Variants in RAI14 observed in about 807,000 individuals in gnomAD.
The protein encoded by RAI14 is retinoic acid induced 14, also known as ankycorbin.
In RAI14, 45 loss-of-function variants were observed where a neutral mutation model predicts 115.4. The ratio of observed to expected loss-of-function variants is 0.39; its 90% confidence interval spans 0.31 to 0.50. The LOEUF (loss-of-function observed/expected upper bound fraction) is 0.50. Ranked by LOEUF, RAI14 falls within the 20% of genes least tolerant of loss-of-function variation. The pLI is 0.85. For synonymous variants in RAI14, 371 were observed against 415.4 expected (o/e 0.89, Z 1.30); for missense variants, 939 against 1,131.2 (o/e 0.83, Z 2.44).
intron 14 of RAI14, among the ~76,000 whole-genome samples, chr5:34,822,708 G>C (rs1196789447): frequency 1.0e-5 from 1 of 99,696 alleles, no homozygotes; most frequent in Admixed American, 1.6e-4. Flanking sequence ...TTTTGAGACG[G>C]AGTCTTGCTC....
intron 1 of RAI14, among the ~76,000 whole-genome samples, chr5:34,665,506 T>C (rs1321639238): frequency 1.3e-5 from 2 of 151,044 alleles, no homozygotes. Context: ...TTTTTTTTTT[T>C]TTCTCTAAGA....
intron 15 of RAI14, chr5:34,826,025 ATT>A (rs1757401513): frequency 5.5e-6 from 1 of 183,246 alleles, no homozygotes; most frequent in African/African-American, 2.4e-5. Context: ...AATCATACCC[ATT>A]TTAAGAGTAA....
intron 3 of RAI14, among the ~76,000 whole-genome samples, chr5:34,786,126 G>A (rs114990421): frequency 0.047 from 7,095 of 152,278 alleles, 273 homozygotes; most frequent in African/African-American, 0.1. Context: ...GAAATGCCCC[G>A]GTTTGGAACG....
At chr5:34,658,812 TAAA>T (rs1742474574) in intron 1 of RAI14, among the ~76,000 whole-genome samples, 1 of 151,860 alleles carries the variant, frequency 6.6e-6, no homozygotes, top group African/African-American at 2.4e-5. Context: ...AATAAATAAA[TAAA>T]TAAGTATGAA....
intron 1 of RAI14, chr5:34,684,953 T>G (rs73089133): frequency 0.46 from 70,065 of 152,130 alleles, 17,397 homozygotes; most frequent in South Asian, 0.63. Flanking sequence ...GACATTTATT[T>G]AGCACTTACT....
intron 16 of RAI14, among the ~76,000 whole-genome samples, chr5:34,829,140 T>C (rs62355747): frequency 6.6e-6 from 1 of 150,986 alleles, no homozygotes; most frequent in Admixed American, 6.6e-5. Context: ...TATACATATA[T>C]ACACACATAT....
At chr5:34,706,744 T>C (rs1379823822) in intron 2 of RAI14, among the ~76,000 whole-genome samples, 1 of 152,196 alleles carries the variant, frequency 6.6e-6, no homozygotes, top group Non-Finnish European at 1.5e-5. Context: ...CCAAGTTATC[T>C]GGACCATTTT....
intron 2 of RAI14, among the ~76,000 whole-genome samples, chr5:34,702,249 T>G (rs1379482045): frequency 6.6e-6 from 1 of 152,240 alleles, no homozygotes; most frequent in Non-Finnish European, 1.5e-5. Flanking sequence ...TCCAGAATGG[T>G]CAACCAACTC....
At chr5:34,753,605 C>A (rs1747439508) in intron 2 of RAI14, among the ~76,000 whole-genome samples, 1 of 151,958 alleles carries the variant, frequency 6.6e-6, no homozygotes, top group South Asian at 2.1e-4. Context: ...TGTGGTGAAA[C>A]CCCATCTCTA....
At chr5:34,728,012 A>G (rs575368565) in intron 2 of RAI14, among the ~76,000 whole-genome samples, 57 of 152,276 alleles carry the variant, frequency 3.7e-4, no homozygotes, top group African/African-American at 1.3e-3. Context: ...CAGACACTCA[A>G]TGCCAGCCTG....
In RAI14 at chr5:34,725,907, A is replaced by G. The variant is rs1433635745; in HGVS notation, c.37-31561A>G. On this transcript the variant is annotated intron_variant, in intron 2 of 17. Coordinates refer to ENST00000265109, the MANE Select transcript of RAI14 (RefSeq NM_015577.3). ...AATCTGGAAGGCAGAGGCTGCAGTGAGCTGAGATTGTGCCATTGCACTCTA... is the reference window on the plus strand; with the variant it reads ...AATCTGGAAGGCAGAGGCTGCAGTGGGCTGAGATTGTGCCATTGCACTCTA... 2.1e-5 allele frequency among the ~76,000 whole-genome samples: 3 copies of G among 146,182 alleles called. No individual in the cohort carries two copies. In the Admixed American group the frequency reaches 2.1e-4, roughly 10 times the overall value.
chr5:34,759,209 G>A (rs1168450406), intron 3 of RAI14, among the ~76,000 whole-genome samples: 6 of 152,086 alleles, frequency 3.9e-5, no homozygotes, highest in African/African-American at 1.2e-4. Flanking sequence ...GTTGCAGTGA[G>A]CTGAGACTGC....
intron 2 of RAI14, among the ~76,000 whole-genome samples, chr5:34,691,106 A>G (rs1299624098): frequency 6.6e-6 from 1 of 152,122 alleles, no homozygotes; most frequent in African/African-American, 2.4e-5. Flanking sequence ...GTGGAGCTTC[A>G]TGCAGGCCTT....
intron 1 of RAI14, among the ~76,000 whole-genome samples, chr5:34,677,807 C>T: frequency 6.6e-6 from 1 of 152,152 alleles, no homozygotes; most frequent in East Asian, 1.9e-4. Flanking sequence ...GCTAAATACT[C>T]TTAATTCAGA....
At chr5:34,666,663 A>G (rs1743245425) in intron 1 of RAI14, among the ~76,000 whole-genome samples, 1 of 152,068 alleles carries the variant, frequency 6.6e-6, no homozygotes, top group Non-Finnish European at 1.5e-5. Context: ...TCAGTCAAAA[A>G]CCAAGCAAAA....
In RAI14 at chr5:34,686,915, T is replaced by C; in HGVS notation, c.-5T>C. ...TAGAGCTTTGGAAGGCTGAATGCACTAAACATGAAGAGCTTGAAAGCGAAG... is the reference window on the plus strand; with the variant it reads ...TAGAGCTTTGGAAGGCTGAATGCACCAAACATGAAGAGCTTGAAAGCGAAG... On this transcript the variant is annotated 5_prime_UTR_variant, in exon 2 of 18. An upstream open reading frame in the 5' UTR loses its in-frame stop. Coordinates refer to ENST00000265109, the MANE Select transcript of RAI14 (RefSeq NM_015577.3). The C allele has an allele frequency of 6.2e-7, 1 of 1,613,752 alleles. No individual in the cohort carries two copies. The highest frequency in any genetic ancestry group is 8.5e-7 in the Non-Finnish European group (1 of 1,179,804).
intron 15 of RAI14, 104 bp from the exon 16 acceptor site, chr5:34,826,226 C>A: frequency 9.1e-7 from 1 of 1,096,930 alleles, no homozygotes; most frequent in Non-Finnish European, 1.3e-6. Flanking sequence ...AGTCTTAAGT[C>A]CCAGAGGCCA....
intron 3 of RAI14, among the ~76,000 whole-genome samples, chr5:34,782,250 G>A (rs866644215): frequency 8.5e-5 from 13 of 152,128 alleles, no homozygotes; most frequent in Non-Finnish European, 1.6e-4. Flanking sequence ...AGATTTGGGG[G>A]CCTGTTCCCA....
intron 3 of RAI14, among the ~76,000 whole-genome samples, chr5:34,784,370 C>G (rs921543366): frequency 6.6e-6 from 1 of 152,220 alleles, no homozygotes; most frequent in East Asian, 1.9e-4. Flanking sequence ...TAGGGAGGAT[C>G]CAATTAGTTA....
Sources: gnomAD v4.1 joint callset for allele counts (sites outside exome capture counted in the v4.1 genomes callset) on GRCh38, gnomAD v4.1.1 for gene constraint, MANE v1.5 for transcripts, NCBI Gene and HGNC (gene_info 2026-07-23, HGNC 2026-07-21) for gene names.